Variants in PPFIBP1 observed in about 807,000 individuals in gnomAD.
PPFIBP1 encodes PPFIB scaffold protein 1.
A neutral mutation model predicts 137.8 loss-of-function variants in PPFIBP1; 112 were observed. That is an observed-to-expected ratio of 0.81 (90% CI 0.70 to 0.95). PPFIBP1 has a LOEUF of 0.95. PPFIBP1 is among the 40% of genes least tolerant of loss of function. PPFIBP1 has a pLI of 0.00. For missense variants in PPFIBP1, 1,083 were observed against 1,196.6 expected (o/e 0.91, Z 1.40); for synonymous variants, 378 against 417.3 (o/e 0.91, Z 1.15).
At chr12:27,637,605 A>G (rs544320176) in intron 4 of PPFIBP1, among the ~76,000 whole-genome samples, 1 of 152,260 alleles carries the variant, frequency 6.6e-6, no homozygotes, top group Admixed American at 6.5e-5. Flanking sequence ...CCAACCTTCC[A>G]AATTAAGTGT....
intron 1 of PPFIBP1, among the ~76,000 whole-genome samples, chr12:27,577,912 G>A (rs537570343): frequency 6.6e-6 from 1 of 152,218 alleles, no homozygotes; most frequent in East Asian, 1.9e-4. Flanking sequence ...GAATATTTGA[G>A]GTTGTCCAGT....
chr12:27,537,873 G>A (rs935843896), intron 1 of PPFIBP1, among the ~76,000 whole-genome samples: 1 of 152,092 alleles, frequency 6.6e-6, no homozygotes, highest in African/African-American at 2.4e-5. Context: ...TAAATGGAAA[G>A]CAGGTATCTG....
intron 11 of PPFIBP1, among the ~76,000 whole-genome samples, chr12:27,662,333 C>A (rs115519497): frequency 0.01 from 1,559 of 152,252 alleles, 30 homozygotes; most frequent in African/African-American, 0.036. Context: ...AGTCAGTGGG[C>A]AGGCTACTTC....
chr12:27,612,193 C>T (rs1043706498), intron 2 of PPFIBP1, among the ~76,000 whole-genome samples: 4 of 152,194 alleles, frequency 2.6e-5, no homozygotes, highest in African/African-American at 9.6e-5. Context: ...GTTCTTGAAG[C>T]ACCTTTTATG....
At chr12:27,545,781 T>A (rs1946174031) in intron 1 of PPFIBP1, among the ~76,000 whole-genome samples, 1 of 152,194 alleles carries the variant, frequency 6.6e-6, no homozygotes, top group South Asian at 2.1e-4. Flanking sequence ...ACAGAAGGCT[T>A]TCCTAGGAAC....
chr12:27,672,627 TG>T (rs2060270282), intron 15 of PPFIBP1, 144 bp downstream of exon 15: 2 of 660,204 alleles, frequency 3.0e-6, no homozygotes, highest in African/African-American at 1.9e-5. Flanking sequence ...AATAATTGGG[TG>T]GGGGTGAAGG....
intron 25 of PPFIBP1, chr12:27,688,094 A>G: frequency 1.7e-6 from 1 of 585,758 alleles, no homozygotes; most frequent in Non-Finnish European, 2.9e-6. Context: ...CTTAAAAAAA[A>G]AAAAGACTTC....
At chr12:27,650,403 C>T (rs1269820225) in intron 7 of PPFIBP1, among the ~76,000 whole-genome samples, 1 of 152,106 alleles carries the variant, frequency 6.6e-6, no homozygotes, top group Non-Finnish European at 1.5e-5. Context: ...TTTAGAAATA[C>T]TTTTGACTTT....
chr12:27,535,485 C>G (rs1247250226), intron 1 of PPFIBP1, among the ~76,000 whole-genome samples: 1 of 152,140 alleles, frequency 6.6e-6, no homozygotes, highest in African/African-American at 2.4e-5. Flanking sequence ...GTGGTCACGG[C>G]TCATTGCAGC....
chr12:27,591,126 C>T (rs1238363648), intron 2 of PPFIBP1, among the ~76,000 whole-genome samples: 5 of 150,282 alleles, frequency 3.3e-5, no homozygotes, highest in African/African-American at 1.2e-4. Context: ...AGAAAGGTAT[C>T]TGACACTCCT....
At chr12:27,646,664 A>AT (rs2058520631) in intron 5 of PPFIBP1, among the ~76,000 whole-genome samples, 1 of 152,156 alleles carries the variant, frequency 6.6e-6, no homozygotes, top group Non-Finnish European at 1.5e-5. Context: ...TATATATTTA[A>AT]TTTTTCAATT....
intron 1 of PPFIBP1, among the ~76,000 whole-genome samples, chr12:27,540,064 A>T (rs1945476527): frequency 1.4e-5 from 2 of 144,568 alleles, no homozygotes; most frequent in East Asian, 2.0e-4. Context: ...CCTATTTTCA[A>T]TTTTTTTTTT....
chr12:27,601,902 G>A (rs2054036723), intron 2 of PPFIBP1, among the ~76,000 whole-genome samples: 1 of 152,190 alleles, frequency 6.6e-6, no homozygotes. Context: ...ATGGCCAGTA[G>A]CCACATGTGG....
At chr12:27,538,987 C>T (rs777656597) in intron 1 of PPFIBP1, among the ~76,000 whole-genome samples, 8 of 152,136 alleles carry the variant, frequency 5.3e-5, no homozygotes, top group Non-Finnish European at 1.0e-4. Flanking sequence ...GGGTACGTTC[C>T]AGGGATGTGG....
intron 1 of PPFIBP1, among the ~76,000 whole-genome samples, chr12:27,576,156 C>A (rs4931155): frequency 0.15 from 22,141 of 152,056 alleles, 1,918 homozygotes; most frequent in South Asian, 0.23. Flanking sequence ...CATCCCCCAC[C>A]GCTTTTTTTT....
At chr12:27,649,204 A>C (rs2058726315) in intron 6 of PPFIBP1, among the ~76,000 whole-genome samples, 1 of 152,210 alleles carries the variant, frequency 6.6e-6, no homozygotes, top group African/African-American at 2.4e-5. Flanking sequence ...CACTTGAGCA[A>C]AACCTCGTAG....
At chr12:27,533,473 T>C (rs1292895404) in intron 1 of PPFIBP1, among the ~76,000 whole-genome samples, 3 of 152,096 alleles carry the variant, frequency 2.0e-5, no homozygotes, top group Non-Finnish European at 4.4e-5. Context: ...ATCACACAGA[T>C]CATGTGTGTC....
At chr12:27,586,359 T>C (rs573875599) in intron 2 of PPFIBP1, among the ~76,000 whole-genome samples, 4 of 152,342 alleles carry the variant, frequency 2.6e-5, no homozygotes, top group Admixed American at 2.6e-4. Flanking sequence ...TAAGAGAGGA[T>C]CTATGGCTTT....
At chr12:27,592,561 T>G in intron 2 of PPFIBP1, 1 of 1,399,194 alleles carries the variant, frequency 7.1e-7, no homozygotes, top group Admixed American at 1.7e-5. Context: ...CTTGGTGGCT[T>G]TCACAGGATG....
Sources: gnomAD v4.1 joint callset for allele counts (sites outside exome capture counted in the v4.1 genomes callset) on GRCh38, gnomAD v4.1.1 for gene constraint, MANE v1.5 for transcripts, NCBI Gene and HGNC (gene_info 2026-07-23, HGNC 2026-07-21) for gene names.